F2RL2: variants seen among roughly 807,000 people sequenced by gnomAD.
F2RL2 encodes the protein coagulation factor II thrombin receptor like 2.
A neutral mutation model predicts 4.3 loss-of-function variants in F2RL2; 4 were observed. That is an observed-to-expected ratio of 0.93 (90% CI 0.46 to 2.12). The LOEUF (loss-of-function observed/expected upper bound fraction) is 2.12. F2RL2 is among the 30% of genes most tolerant of loss of function. The probability of loss-of-function intolerance (pLI) is 0.02; values close to 1 mark genes in which losing one functional copy is unlikely to be tolerated. For missense variants in F2RL2, 408 were observed against 449.3 expected (o/e 0.91, Z 0.83); for synonymous variants, 166 against 170.9 (o/e 0.97, Z 0.22).
In F2RL2 at chr5:76,618,255, G is replaced by C; in HGVS notation, c.452C>G (p.Ala151Gly). ...LFCVTLPFKI[A>G]YHLNGNNWVF... is the part of the protein sequence containing the mutation. ...CCAGTTGTTCCCATTGAGATGATAAGCTATCTTAAAGGGCAATGTAACACA... is the reference window on the plus strand; with the variant it reads ...CCAGTTGTTCCCATTGAGATGATAACCTATCTTAAAGGGCAATGTAACACA... Residue 151 changes from alanine to glycine, a missense_variant, in exon 2 of 2, where the codon GCT becomes GGT. Coordinates refer to ENST00000296641, the MANE Select transcript of F2RL2 (RefSeq NM_004101.4). 1 of 1,614,182 alleles carries C rather than the reference G, an allele frequency of 6.2e-7. No homozygotes were observed. Among genetic ancestry groups the C allele is most frequent in the South Asian group, 1.1e-5 (1 of 91,082 alleles).
Position 76,623,380 on chromosome 5 carries a change from T to G in F2RL2, c.-150A>C. The G allele has an allele frequency of 1.2e-6, 1 of 806,780 alleles. No homozygotes were observed. Among genetic ancestry groups the G allele is most frequent in the Non-Finnish European group, 2.0e-6 (1 of 508,112 alleles). The allele number at this position is 806,780 out of a possible 1,614,324, so 50.0% of individuals were successfully genotyped here. A position where few individuals can be genotyped will look rare whatever the true frequency, so the allele number is the denominator to read the frequency against. On this transcript the variant is annotated 5_prime_UTR_variant, in exon 1 of 2. Transcript: ENST00000296641. ...TCCTGTGCCGTGCAGGCAGGAAACT[T>G]GCCCTGGTCCTCCGCAGGGAAAGGA...
In F2RL2 at chr5:76,618,459, G is replaced by C. The variant is rs751043946; in HGVS notation, c.248C>G (p.Ala83Gly). ...GGAGCTGGTCAGGTACCCCATGGTA[G>C]CATTTTTCACATGGAGATGTGAAGC... ...ESASHLHVKN[A>G]TMGYLTSSLS... Residue 83 changes from alanine to glycine, a missense_variant, in exon 2 of 2, where the codon GCT becomes GGT. Physicochemically the swap from Ala to Gly is moderately conservative, Grantham distance 60. Transcript: ENST00000296641. 3.7e-6 allele frequency: 6 copies of C among 1,614,070 alleles called. No individual in the cohort carries two copies. In the African/African-American group the frequency reaches 8.0e-5, roughly 22 times the overall value.
chr5:76,619,810 G>A (rs989363268), intron 1 of F2RL2, among the ~76,000 whole-genome samples: 4 of 152,124 alleles, frequency 2.6e-5, no homozygotes, highest in Non-Finnish European at 4.4e-5. Flanking sequence ...GAGCCACCGC[G>A]CCCGGCCAGT....
rs1749037725 is a variant in F2RL2, at chr5:76,616,991, C to T, written c.*591G>A. Reference sequence around the variant, plus strand: ...GAGACCAAAGAATAAAAAATGATGTCAAATGTCAAGGATGGCAATACCACT... The same window carrying T: ...GAGACCAAAGAATAAAAAATGATGTTAAATGTCAAGGATGGCAATACCACT... On this transcript the variant is annotated 3_prime_UTR_variant, in exon 2 of 2. Coordinates refer to ENST00000296641, the MANE Select transcript of F2RL2 (RefSeq NM_004101.4). The T allele has an allele frequency of 6.6e-6, 1 of 152,318 alleles. No individual in the cohort carries two copies. The highest frequency in any genetic ancestry group is 1.5e-5 in the Non-Finnish European group (1 of 68,200). 9.4% of individuals were successfully genotyped at this position (152,318 alleles called of 1,614,324 possible).
At chr5:76,619,547 C>T (rs1384243094) in intron 1 of F2RL2, among the ~76,000 whole-genome samples, 7 of 134,090 alleles carry the variant, frequency 5.2e-5, no homozygotes, top group Non-Finnish European at 1.1e-4. Context: ...GAGACAGTCT[C>T]ACTCTGTCGC....
Position 76,618,170 on chromosome 5 carries a change from G to A in F2RL2, c.537C>T (p.Cys179=), listed in dbSNP as rs1387239850. 5.6e-6 allele frequency: 9 copies of A among 1,614,090 alleles called. No homozygotes were observed. The highest frequency in any genetic ancestry group is 7.6e-6 in the Non-Finnish European group (9 of 1,180,054). The change falls in exon 2 of 2, where the codon TGC becomes TGT. Residue 179 remains cysteine, a synonymous_variant. Transcript: ENST00000296641. ...TGATGCAGGCAAGGAGCAGAATGGAGCAGTACATGTTGCCATAGAAGATGA... is the reference window on the plus strand; with the variant it reads ...TGATGCAGGCAAGGAGCAGAATGGAACAGTACATGTTGCCATAGAAGATGA... ...TTVIFYGNMY[C]SILLLACISI...
chr5:76,621,278 G>T (rs1324029451), intron 1 of F2RL2, among the ~76,000 whole-genome samples: 7 of 152,166 alleles, frequency 4.6e-5, no homozygotes, highest in Admixed American at 1.3e-4. Flanking sequence ...TAAAATAGAG[G>T]AGGTGTGTCC....
Position 76,617,093 on chromosome 5 carries a change from G to A in F2RL2, c.*489C>T, listed in dbSNP as rs895592683. ...AAATGGAAATGTCATTTTCCATAGA[G>A]TTGTGATATCTTTTCTCCTGCATTA... On this transcript the variant is annotated 3_prime_UTR_variant, in exon 2 of 2. Transcript: ENST00000296641. The A allele has an allele frequency of 1.9e-5, 3 of 154,542 alleles. No individual in the cohort carries two copies. Among genetic ancestry groups the A allele is most frequent in the African/African-American group, 4.8e-5 (2 of 41,462 alleles). 9.6% of individuals were successfully genotyped at this position (154,542 alleles called of 1,614,324 possible).
rs1749216671 is a variant in F2RL2 at position 76,618,301 on chromosome 5, C to G, written c.406G>C (p.Ala136Pro). The change falls in exon 2 of 2, where the codon GCC becomes CCC. Residue 136 changes from alanine to proline, a missense_variant. Ala to Pro is a conservative substitution (Grantham distance 27). Transcript: ENST00000296641. Reference sequence around the variant, plus strand: ...ACACAAAAAAGAAAATCTGCAATGGCCAGGTTGGTGTAGAATACAGTGGTA... The same window carrying G: ...ACACAAAAAAGAAAATCTGCAATGGGCAGGTTGGTGTAGAATACAGTGGTA... ...ICTTVFYTNLAIADFLFCVTL... is the reference protein window; with the variant it reads ...ICTTVFYTNLPIADFLFCVTL... 1 of 1,614,016 alleles carries G rather than the reference C, an allele frequency of 6.2e-7. No homozygotes were observed. Among genetic ancestry groups the G allele is most frequent in the African/African-American group, 1.3e-5 (1 of 74,904 alleles).
rs1305156409 is a variant in F2RL2, at chr5:76,618,497, G to A, written c.210C>T (p.Cys70=). The change falls in exon 2 of 2, where the codon TGC becomes TGT. Residue 70 remains cysteine, a synonymous_variant. Transcript: ENST00000296641. Reference sequence around the variant, plus strand: ...GGAGATGTGAAGCACTTTCTTCAGGGCACTTAATTTTTACAGTAATCGTGG... The same window carrying A: ...GGAGATGTGAAGCACTTTCTTCAGGACACTTAATTTTTACAGTAATCGTGG... The part of the protein sequence containing the change: ...TGATITVKIK[C]PEESASHLHV... 1.1e-5 allele frequency: 17 copies of A among 1,614,026 alleles called. No homozygotes were observed. The African/African-American group carries it at 1.2e-4, about 11-fold the overall frequency.
chr5:76,617,848 G>A lies in F2RL2; in HGVS notation c.859C>T (p.Arg287Trp), dbSNP rs764407143. The change falls in exon 2 of 2, where the codon CGG (arginine) becomes TGG (tryptophan). Residue 287 changes from arginine to tryptophan, a missense_variant. Physicochemically the swap from Arg to Trp is moderately radical, Grantham distance 101 (BLOSUM62 -3). Transcript: ENST00000296641. ...LIIYCYAAII[R>W]TLNAYDHRWL... is the part of the protein sequence containing the mutation. ...CTATGATCGTATGCATTAAGTGTCC[G>A]GATGATGGCTGCATAGCAGTAGATG... The A allele has an allele frequency of 1.7e-5, 27 of 1,613,820 alleles. No individual in the cohort carries two copies. Among genetic ancestry groups the A allele is most frequent in the South Asian group, 1.4e-4 (13 of 91,054 alleles).
chr5:76,620,080 C>G (rs950643), intron 1 of F2RL2, among the ~76,000 whole-genome samples: 54,461 of 152,078 alleles, frequency 0.36, 10,873 homozygotes, highest in Non-Finnish European at 0.47. Context: ...ATTTTAAGAC[C>G]TCTGATCTCC....
intron 1 of F2RL2, among the ~76,000 whole-genome samples, chr5:76,618,937 C>G (rs574394597): frequency 4.6e-5 from 7 of 152,284 alleles, no homozygotes; most frequent in Admixed American, 2.0e-4. Context: ...ATGTTGACTA[C>G]AAACTATACA....
chr5:76,617,936 G>A lies in F2RL2; in HGVS notation c.771C>T (p.Pro257=). The change falls in exon 2 of 2, where the codon CCC becomes CCT. Residue 257 remains proline (P), a synonymous_variant. Coordinates refer to ENST00000296641, the MANE Select transcript of F2RL2 (RefSeq NM_004101.4). ...DVHNTCESSS[P]FQLYYFISLA... ...AGGAGATGAAGTAATAGAGTTGGAA[G>A]GGAGATGAGGACTCGCAAGTGTTGT... 2 of 1,614,112 alleles carry A rather than the reference G, an allele frequency of 1.2e-6. No individual in the cohort carries two copies. The highest frequency in any genetic ancestry group is 2.2e-5 in the South Asian group (2 of 91,082).
Position 76,615,535 on chromosome 5 carries a change from A to G in F2RL2, c.*2047T>C, listed in dbSNP as rs1048417185. On this transcript the variant is annotated 3_prime_UTR_variant, in exon 2 of 2. Transcript: ENST00000296641. ...GTTGGGCAGTATGAAATATACAGTCAAGGCAGATTCGTACAGACTTGTAAA... is the reference window on the plus strand; with the variant it reads ...GTTGGGCAGTATGAAATATACAGTCGAGGCAGATTCGTACAGACTTGTAAA... The G allele has an allele frequency of 6.6e-6, 1 of 152,244 alleles. No individual in the cohort carries two copies. The highest frequency in any genetic ancestry group is 2.1e-4 in the South Asian group (1 of 4,832). 9.4% of individuals were successfully genotyped at this position (152,244 alleles called of 1,614,324 possible). A position where few individuals can be genotyped will look rare whatever the true frequency, so the allele number is the denominator to read the frequency against.
Position 76,623,111 on chromosome 5 carries a change from C to CTT in F2RL2, c.64+54_64+55dup, listed in dbSNP as rs1424031247. On this transcript the variant is annotated intron_variant, in intron 1 of 1. Transcript: ENST00000296641. The stretch of plus-strand genomic sequence containing the variant: ...CAAAGAAACCTAGGTTCAGTTGACT[C>CTT]TTAATTTGTAACAGAAACCCACATC... 3 of 1,554,360 alleles carry CTT rather than the reference C, an allele frequency of 1.9e-6. No individual in the cohort carries two copies. The African/African-American group carries it at 4.1e-5, about 21-fold the overall frequency.
Position 76,618,572 on chromosome 5 carries a change from T to C in F2RL2, c.135A>G (p.Pro45=), listed in dbSNP as rs750007660. 1 of 1,614,084 alleles carries C rather than the reference T, an allele frequency of 6.2e-7. No homozygotes were observed. Among genetic ancestry groups the C allele is most frequent in the South Asian group, 1.1e-5 (1 of 91,084 alleles). The part of the protein sequence containing the change: ...LPIKTFRGAP[P]NSFEEFPFSA... ...AAAAGGGGAACTCTTCAAAAGAATT[T>C]GGGGGAGCTCCACGAAAGGTCTTAA... Residue 45 remains proline, a synonymous_variant, in exon 2 of 2, where the codon CCA becomes CCG. Coordinates refer to ENST00000296641, the MANE Select transcript of F2RL2 (RefSeq NM_004101.4).
chr5:76,622,438 C>A (rs1749791318), intron 1 of F2RL2, among the ~76,000 whole-genome samples: 2 of 152,164 alleles, frequency 1.3e-5, no homozygotes, highest in South Asian at 2.1e-4. Flanking sequence ...GTTTCCCTTG[C>A]TATGTCCAGT....
Position 76,617,464 on chromosome 5 carries a change from G to T in F2RL2, c.*118C>A. 1.4e-6 allele frequency: 1 copy of T among 717,104 alleles called. No homozygotes were observed. The highest frequency in any genetic ancestry group is 2.3e-6 in the Non-Finnish European group (1 of 436,810). 44.4% of individuals were successfully genotyped at this position (717,104 alleles called of 1,614,324 possible). On this transcript the variant is annotated 3_prime_UTR_variant, in exon 2 of 2. Transcript: ENST00000296641. ...AACTACTAATGCTTTTGTAATGTTT[G>T]ACCTTTGAAGCATATTTCTTAGGAG...
Sources: allele counts gnomAD v4.1 joint callset (sites outside exome capture counted in the v4.1 genomes callset), GRCh38; gene constraint gnomAD v4.1.1; transcripts MANE v1.5; gene names NCBI Gene and HGNC (gene_info 2026-07-23, HGNC 2026-07-21).